VPS13B: variants seen among roughly 807,000 people sequenced by gnomAD.
VPS13B encodes the protein intermembrane lipid transfer protein VPS13B.
VPS13B carries 285 observed loss-of-function variants against 426.4 expected under a neutral mutation model. The observed-to-expected ratio is 0.67, with a 90% CI of 0.61 to 0.74. The LOEUF (loss-of-function observed/expected upper bound fraction) is 0.74, where lower values mean the gene tolerates loss of function less well. Ranked by LOEUF, VPS13B falls within the 30% of genes least tolerant of loss-of-function variation. The pLI, the probability that VPS13B is intolerant of heterozygous loss-of-function variation, is 0.00. For synonymous variants in VPS13B, 1,676 were observed against 1,676.4 expected, an observed-to-expected ratio of 1.00 and a Z score of 0.01; for missense variants, 4,537 against 4,782.6, an observed-to-expected ratio of 0.95 and a Z score of 1.51.
chr8:99,527,499 C>T (rs924095743), intron 30 of VPS13B, among the ~76,000 whole-genome samples: 1 of 152,088 alleles, frequency 6.6e-6, no homozygotes, highest in Non-Finnish European at 1.5e-5. Context: ...AGGATGATCT[C>T]TGTTTCCTTT....
intron 61 of VPS13B, among the ~76,000 whole-genome samples, chr8:99,873,984 T>C (rs1469213892): frequency 6.6e-6 from 1 of 152,264 alleles, no homozygotes; most frequent in Non-Finnish European, 1.5e-5. Context: ...AGGAATTAAT[T>C]TGTAGATGAC....
intron 19 of VPS13B, among the ~76,000 whole-genome samples, chr8:99,313,538 C>A: frequency 6.6e-6 from 1 of 152,168 alleles, no homozygotes; most frequent in Admixed American, 6.5e-5. Context: ...AGCTTCGTCT[C>A]AGAGGGGTAG....
chr8:99,661,113 T>C (rs1401162377), intron 34 of VPS13B, among the ~76,000 whole-genome samples: 3 of 152,162 alleles, frequency 2.0e-5, no homozygotes, highest in African/African-American at 4.8e-5. Context: ...AATTCAGATT[T>C]GAACATTTTT....
chr8:99,267,536 T>A (rs1818368403), intron 17 of VPS13B, among the ~76,000 whole-genome samples: 1 of 152,036 alleles, frequency 6.6e-6, no homozygotes, highest in Admixed American at 6.6e-5. Context: ...GAGACCATCC[T>A]GGCTAACATG....
chr8:99,314,060 G>A (rs557743600), intron 19 of VPS13B, among the ~76,000 whole-genome samples: 17 of 152,210 alleles, frequency 1.1e-4, no homozygotes, highest in African/African-American at 2.9e-4. Flanking sequence ...TCCAGGTGCC[G>A]TCTGTCACAT....
intron 33 of VPS13B, among the ~76,000 whole-genome samples, chr8:99,638,094 CTA>C (rs1489278038): frequency 2.6e-5 from 4 of 152,006 alleles, no homozygotes; most frequent in Non-Finnish European, 4.4e-5. Flanking sequence ...ATAAGGATAA[CTA>C]AAATGAAACT....
chr8:99,858,943 A>G (rs1816692614), intron 56 of VPS13B, among the ~76,000 whole-genome samples: 1 of 152,116 alleles, frequency 6.6e-6, no homozygotes, highest in Non-Finnish European at 1.5e-5. Context: ...GGCTTTAGAG[A>G]GAACCTCCCA....
intron 31 of VPS13B, among the ~76,000 whole-genome samples, chr8:99,566,590 G>A (rs892290247): frequency 1.3e-5 from 2 of 151,974 alleles, no homozygotes; most frequent in African/African-American, 2.4e-5. Flanking sequence ...TTACAGGCAT[G>A]TGCCGCCACG....
intron 30 of VPS13B, among the ~76,000 whole-genome samples, chr8:99,531,454 G>A (rs779817432): frequency 4.6e-4 from 70 of 152,022 alleles, no homozygotes; most frequent in Non-Finnish European, 8.2e-4. Context: ...AAACAGAAGT[G>A]TTATGAATCT....
intron 3 of VPS13B, among the ~76,000 whole-genome samples, chr8:99,040,957 C>T (rs966548385): frequency 1.3e-5 from 2 of 152,160 alleles, no homozygotes; most frequent in Non-Finnish European, 2.9e-5. Context: ...TGGTTGTCTA[C>T]TCTGTACTGC....
chr8:99,740,041 A>G (rs984050599), intron 39 of VPS13B, among the ~76,000 whole-genome samples: 1 of 152,178 alleles, frequency 6.6e-6, no homozygotes, highest in Non-Finnish European at 1.5e-5. Context: ...AGGAGGAAGT[A>G]CGAACCCATG....
intron 19 of VPS13B, among the ~76,000 whole-genome samples, chr8:99,335,862 A>G (rs1042505229): frequency 3.9e-5 from 6 of 152,186 alleles, no homozygotes; most frequent in Non-Finnish European, 8.8e-5. Flanking sequence ...ATGAAATAAA[A>G]GAGGATACAA....
At chr8:99,772,742 G>A (rs188306453) in intron 40 of VPS13B, among the ~76,000 whole-genome samples, 1 of 152,170 alleles carries the variant, frequency 6.6e-6, no homozygotes, top group Non-Finnish European at 1.5e-5. Context: ...GTTATTTGGA[G>A]TTAGGGTTAA....
At chr8:99,386,792 G>C (rs1358100367) in intron 20 of VPS13B, among the ~76,000 whole-genome samples, 1 of 152,056 alleles carries the variant, frequency 6.6e-6, no homozygotes, top group Non-Finnish European at 1.5e-5. Context: ...GGAACATAGC[G>C]AGACTCTGTC....
chr8:99,067,482 G>A (rs972244945), intron 3 of VPS13B, among the ~76,000 whole-genome samples: 2 of 152,124 alleles, frequency 1.3e-5, no homozygotes, highest in African/African-American at 2.4e-5. Flanking sequence ...ATCACACCCT[G>A]GGTCCTATCA....
chr8:99,137,406 G>C lies in VPS13B; in HGVS notation c.1651+654G>C, dbSNP rs1174056843. ...TGTATTAGGTGATATGTTAGGTACA[G>C]ATGAATGCAATGAAAACCAAAGCAT... On this transcript the variant is annotated intron_variant, in intron 12 of 61. Coordinates refer to ENST00000357162, the MANE Select transcript of VPS13B (RefSeq NM_152564.5). 2.6e-5 allele frequency among the ~76,000 whole-genome samples: 4 copies of C among 152,002 alleles called. No individual in the cohort carries two copies. The East Asian group carries it at 5.8e-4, about 22-fold the overall frequency.
intron 25 of VPS13B, among the ~76,000 whole-genome samples, chr8:99,488,965 A>G (rs1055901363): frequency 1.4e-4 from 21 of 152,114 alleles, no homozygotes; most frequent in Admixed American, 1.3e-3. Flanking sequence ...GCCCATTCCT[A>G]TGTCCTCAAT....
intron 35 of VPS13B, among the ~76,000 whole-genome samples, chr8:99,669,818 T>C (rs1292962487): frequency 1.3e-5 from 2 of 152,116 alleles, no homozygotes; most frequent in African/African-American, 2.4e-5. Context: ...TATAATCCTG[T>C]TTTGAATACA....
rs1817677253 is a variant in VPS13B, at chr8:99,875,904, G to GACAC, written c.*240_*243dup. 2 of 558,212 alleles carry GACAC rather than the reference G, an allele frequency of 3.6e-6. No homozygotes were observed. Among genetic ancestry groups the GACAC allele is most frequent in the Non-Finnish European group, 6.4e-6 (2 of 313,552 alleles). The allele number at this position is 558,212 out of a possible 1,614,324, so 34.6% of individuals were successfully genotyped here. A position where few individuals can be genotyped will look rare whatever the true frequency, so the allele number is the denominator to read the frequency against. On this transcript the variant is annotated 3_prime_UTR_variant, in exon 62 of 62. Transcript: ENST00000357162. ...GGCAGCTCTAACATCATCTGATATG[G>GACAC]ACACAAGGCCAACAGTTTCCTTATT...
Sources: gnomAD v4.1 joint callset for allele counts (sites outside exome capture counted in the v4.1 genomes callset) on GRCh38, gnomAD v4.1.1 for gene constraint, MANE v1.5 for transcripts, NCBI Gene and HGNC (gene_info 2026-07-23, HGNC 2026-07-21) for gene names.